Variants in MGLL observed in about 807,000 individuals in gnomAD.
MGLL encodes monoglyceride lipase.
A neutral mutation model predicts 29.1 loss-of-function variants in MGLL; 7 were observed. The ratio of observed to expected loss-of-function variants is 0.24; its 90% CI spans 0.14 to 0.45. The LOEUF is 0.45. Ranked by LOEUF, MGLL falls within the 20% of genes least tolerant of loss-of-function variation. The pLI, the probability that MGLL is intolerant of heterozygous loss-of-function variation, is 0.99. For synonymous variants in MGLL, 148 were observed against 168.3 expected, an observed-to-expected ratio of 0.88 and a Z score of 0.93; for missense variants, 356 against 413.6, an observed-to-expected ratio of 0.86 and a Z score of 1.21.
At chr3:127,748,529 G>A (rs1417304538) in intron 3 of MGLL, among the ~76,000 whole-genome samples, 1 of 151,746 alleles carries the variant, frequency 6.6e-6, no homozygotes, top group Non-Finnish European at 1.5e-5. Flanking sequence ...ACCTCCGAAT[G>A]GATACAAGGT....
chr3:127,793,161 C>T (rs1222075362), intron 2 of MGLL, among the ~76,000 whole-genome samples: 1 of 152,152 alleles, frequency 6.6e-6, no homozygotes, highest in Non-Finnish European at 1.5e-5. Flanking sequence ...CAATCGGAGT[C>T]GACCAGGCAC....
In MGLL at chr3:127,693,280, G is replaced by T. The variant is rs548449886; in HGVS notation, c.817-957C>A. On this transcript the variant is annotated intron_variant, in intron 7 of 7. Coordinates refer to ENST00000265052, the MANE Select transcript of MGLL (RefSeq NM_007283.7). ...CACCCTGCCTGGCTTGACCTGCCTT[G>T]GTTGTCACTGTCTCCTACCTCCTCC... Among the ~76,000 whole-genome samples the T allele has an allele frequency of 4.6e-5, 7 of 152,284 alleles. No individual in the cohort carries two copies. In the South Asian group the frequency reaches 1.5e-3, roughly 32 times the overall value.
chr3:127,694,161 T>G (rs2075300562), intron 7 of MGLL, among the ~76,000 whole-genome samples: 1 of 150,070 alleles, frequency 6.7e-6, no homozygotes, highest in South Asian at 2.1e-4. Context: ...TCCCAGCTAC[T>G]CAGGGGGCTG....
chr3:127,711,494 G>T (rs974492331), intron 5 of MGLL: 1 of 152,264 alleles, frequency 6.6e-6, no homozygotes, highest in African/African-American at 2.4e-5. Flanking sequence ...TCTGCCTTCA[G>T]AGAGGGGCTG....
rs576925493 is a variant in MGLL at position 127,813,526 on chromosome 3, C to T, written c.155+8168G>A. ...CAAACCGGACATTTGCTGGGGAGGG[C>T]TAACTTGTAGTTTAAATTGATCAGA... is the stretch of plus-strand genomic sequence containing the variant. On this transcript the variant is annotated intron_variant, in intron 2 of 7. Transcript: ENST00000265052. Among the ~76,000 whole-genome samples, 18 of 152,334 alleles carry T rather than the reference C, an allele frequency of 1.2e-4. No individual in the cohort carries two copies. The East Asian group carries it at 3.5e-3, about 29-fold the overall frequency.
chr3:127,781,272 G>A (rs919729824), intron 3 of MGLL, among the ~76,000 whole-genome samples: 4 of 152,186 alleles, frequency 2.6e-5, no homozygotes, highest in East Asian at 1.9e-4. Context: ...GTGTGCAAAT[G>A]TGTGTATGAC....
intron 3 of MGLL, among the ~76,000 whole-genome samples, chr3:127,769,043 A>G (rs749614880): frequency 6.6e-6 from 1 of 151,894 alleles, no homozygotes; most frequent in Non-Finnish European, 1.5e-5. Flanking sequence ...TCTGGGTAAA[A>G]CTCTGCTAGA....
At chr3:127,792,576 G>A (rs150147496) in intron 2 of MGLL, among the ~76,000 whole-genome samples, 29 of 152,282 alleles carry the variant, frequency 1.9e-4, no homozygotes, top group African/African-American at 4.3e-4. Flanking sequence ...TGTGGCACAC[G>A]CCTGTAGTCC....
intron 4 of MGLL, among the ~76,000 whole-genome samples, chr3:127,722,174 G>A (rs1361049424): frequency 2.0e-5 from 3 of 152,200 alleles, no homozygotes; most frequent in Admixed American, 1.3e-4. Context: ...GGCACCAAGT[G>A]GGCCAAAGAA....
At chr3:127,764,133 T>C (rs1029687637) in intron 3 of MGLL, among the ~76,000 whole-genome samples, 2 of 152,178 alleles carry the variant, frequency 1.3e-5, no homozygotes, top group African/African-American at 2.4e-5. Context: ...CCAGCTGTGT[T>C]CCCCTTTCCT....
Position 127,795,079 on chromosome 3 carries a change from G to T in MGLL, c.156-13184C>A, listed in dbSNP as rs560739238. Among the ~76,000 whole-genome samples the T allele has an allele frequency of 2.2e-4, 33 of 152,278 alleles. 1 individual carries two copies. In the East Asian group the frequency reaches 6.2e-3, roughly 28 times the overall value. On this transcript the variant is annotated intron_variant, in intron 2 of 7. Transcript: ENST00000265052. The stretch of plus-strand genomic sequence containing the variant: ...ACCAAAAAGACACCTCCACTCGTAT[G>T]TTCATCACAGCAATATTCATGATAG...
intron 2 of MGLL, among the ~76,000 whole-genome samples, chr3:127,802,916 T>C (rs569196150): frequency 6.6e-6 from 1 of 152,162 alleles, no homozygotes; most frequent in Non-Finnish European, 1.5e-5. Flanking sequence ...GATGCTGGTA[T>C]GACTGACCTC....
chr3:127,796,092 C>T (rs765550522), intron 2 of MGLL, among the ~76,000 whole-genome samples: 33 of 152,296 alleles, frequency 2.2e-4, no homozygotes, highest in Admixed American at 4.6e-4. Context: ...GCCCCCTCCC[C>T]GCCCCACCAC....
At chr3:127,806,522 A>G (rs1465549372) in intron 2 of MGLL, among the ~76,000 whole-genome samples, 3 of 151,680 alleles carry the variant, frequency 2.0e-5, no homozygotes, top group African/African-American at 7.3e-5. Context: ...GAATGGATGG[A>G]TGGATGGATG....
Position 127,710,674 on chromosome 3 carries a change from G to C in MGLL, c.511-9C>G, listed in dbSNP as rs1368076271. The C allele has an allele frequency of 6.4e-7, 1 of 1,560,434 alleles. No individual in the cohort carries two copies. Among genetic ancestry groups the C allele is most frequent in the East Asian group, 2.4e-5 (1 of 42,230 alleles). Reference sequence around the variant, plus strand: ...ACTTTCGCAGCAAGGACCTAGCCGGGGAGGGAAAACAAGGGCTGTGAGCAC... The same window carrying C: ...ACTTTCGCAGCAAGGACCTAGCCGGCGAGGGAAAACAAGGGCTGTGAGCAC... On this transcript the variant is annotated splice_polypyrimidine_tract_variant and intron_variant, in intron 5 of 7. Transcript: ENST00000265052.
intron 2 of MGLL, among the ~76,000 whole-genome samples, chr3:127,803,911 G>A (rs1402972409): frequency 6.6e-6 from 1 of 152,150 alleles, no homozygotes; most frequent in Non-Finnish European, 1.5e-5. Context: ...TCAGGACGGG[G>A]TGGCTCAGGG....
chr3:127,790,368 T>C (rs972137394), intron 2 of MGLL, among the ~76,000 whole-genome samples: 1 of 152,166 alleles, frequency 6.6e-6, no homozygotes, highest in Non-Finnish European at 1.5e-5. Context: ...TTTGACAGAT[T>C]AGGAATTGGG....
intron 3 of MGLL, among the ~76,000 whole-genome samples, chr3:127,762,134 C>T (rs73203071): frequency 0.17 from 25,552 of 152,182 alleles, 2,735 homozygotes; most frequent in South Asian, 0.24. Flanking sequence ...GGCAGCCTGA[C>T]AGTGCAGTCG....
intron 3 of MGLL, among the ~76,000 whole-genome samples, chr3:127,778,949 C>T (rs925629071): frequency 2.6e-5 from 4 of 152,112 alleles, no homozygotes; most frequent in African/African-American, 7.2e-5. Flanking sequence ...GAGACAGGAT[C>T]TCACTATGTT....
Sources: allele counts gnomAD v4.1 joint callset (sites outside exome capture counted in the v4.1 genomes callset), GRCh38; gene constraint gnomAD v4.1.1; transcripts MANE v1.5; gene names NCBI Gene and HGNC (gene_info 2026-07-23, HGNC 2026-07-21).